Variants in SEMA6C observed in about 807,000 individuals in gnomAD.
SEMA6C encodes semaphorin 6C, also known as semaphorin-6C.
In SEMA6C, 37 loss-of-function variants were observed where a neutral mutation model predicts 72.9. The ratio of observed to expected loss-of-function variants is 0.51; its 90% confidence interval spans 0.39 to 0.67. The LOEUF (loss-of-function observed/expected upper bound fraction) is 0.67. Ranked by LOEUF, SEMA6C falls within the 30% of genes least tolerant of loss-of-function variation. The pLI is 0.00. For synonymous variants in SEMA6C, 578 were observed against 554.1 expected (o/e 1.04, Z -0.61); for missense variants, 1,189 against 1,263.6 (o/e 0.94, Z 0.89).
Position 151,132,804 on chromosome 1 carries a change from CGGG to C in SEMA6C, c.2470_2472del (p.Pro824del). 1 of 1,333,390 alleles carries C rather than the reference CGGG, an allele frequency of 7.5e-7. No homozygotes were observed. The highest frequency in any genetic ancestry group is 9.6e-7 in the Non-Finnish European group (1 of 1,040,828). The allele number at this position is 1,333,390 out of a possible 1,614,324, so 82.6% of individuals were successfully genotyped here. ...GCGGGGGCAGAGGCGCACCTGCCCTCGGGGGGCACGTCCAGCCTCAGCGGCGAG... is the reference window on the plus strand; with the variant it reads ...GCGGGGGCAGAGGCGCACCTGCCCTCGGGCACGTCCAGCCTCAGCGGCGAG... On this transcript the variant is annotated inframe_deletion, in exon 19 of 19. Coordinates refer to ENST00000368914, the MANE Select transcript of SEMA6C (RefSeq NM_030913.6).
Position 151,135,208 on chromosome 1 carries a change from A to G in SEMA6C, c.1535T>C (p.Val512Ala), listed in dbSNP as rs1681918997. ...RLFVAFSGCIVYLPLSRCARH... is the reference protein window; with the variant it reads ...RLFVAFSGCIAYLPLSRCARH... ...GGCACACCGGCTGAGAGGGAGGTAG[A>G]CAATACAGCCAGAAAAAGCCACAAA... Residue 512 changes from valine to alanine, a missense_variant, in exon 15 of 19, where the codon GTC (valine) becomes GCC (alanine). By Grantham distance (64) the Val-to-Ala change is moderately conservative. Transcript: ENST00000368914. 2.5e-6 allele frequency: 4 copies of G among 1,614,020 alleles called. No individual in the cohort carries two copies. In the African/African-American group the frequency reaches 5.3e-5, roughly 22 times the overall value.
rs201596171 is a variant in SEMA6C at position 151,138,112 on chromosome 1, G to A, written c.548-7C>T. On this transcript the variant is annotated splice_region_variant and splice_polypyrimidine_tract_variant and intron_variant, in intron 8 of 18. Transcript: ENST00000368914. ...GCTGAGTACAGGCTGCCCTCTGGAG[G>A]GATGGGTGGAGTGGGGTCAGGGGAG... is the stretch of plus-strand genomic sequence containing the variant. 4.3e-6 allele frequency: 7 copies of A among 1,613,644 alleles called. No individual in the cohort carries two copies. Among genetic ancestry groups the A allele is most frequent in the South Asian group, 1.1e-5 (1 of 91,044 alleles).
chr1:151,133,565 CG>C lies in SEMA6C; in HGVS notation c.1760-49del, dbSNP rs1382214365. On this transcript the variant is annotated intron_variant, in intron 18 of 18. Transcript: ENST00000368914. The surrounding 1 kb of genome is among the most constrained non-coding windows in gnomAD (Gnocchi z 5.9). Reference sequence around the variant, plus strand: ...GAGGCTCAGCCAAGGGGAGGCGGTGCGGGGTACCTAGGCCCAGAGGCGCCGG... The same window carrying C: ...GAGGCTCAGCCAAGGGGAGGCGGTGCGGGTACCTAGGCCCAGAGGCGCCGG... 1.4e-6 allele frequency: 2 copies of C among 1,454,494 alleles called. No individual in the cohort carries two copies. Among genetic ancestry groups the C allele is most frequent in the Non-Finnish European group, 1.8e-6 (2 of 1,107,690 alleles). 90.1% of individuals were successfully genotyped at this position (1,454,494 alleles called of 1,614,324 possible). A position where few individuals can be genotyped will look rare whatever the true frequency, so the allele number is the denominator to read the frequency against.
chr1:151,132,663 G>A lies in SEMA6C; in HGVS notation c.2614C>T (p.Pro872Ser), dbSNP rs1415640546. ...ALLTRVPSGG[P>S]SRYSGGPGKH... ...CCGGGACCCCCGGAGTACCTGGAGG[G>A]ACCTCCCGAGGGGACTCGAGTGAGC... The change falls in exon 19 of 19, where the codon CCC (proline) becomes TCC (serine). Residue 872 changes from proline to serine, a missense_variant. Around this residue, in one of 2 missense-constraint regions of SEMA6C, gnomAD observed 721 missense variants for 686.2 expected, o/e 1.05. Transcript: ENST00000368914. The A allele has an allele frequency of 6.5e-7, 1 of 1,549,590 alleles. No individual in the cohort carries two copies. The highest frequency in any genetic ancestry group is 8.7e-7 in the Non-Finnish European group (1 of 1,146,480).
At position 151,132,646 on chromosome 1, in the gene SEMA6C, C is replaced by T. The variant is rs1175245918; in HGVS notation, c.2631G>A (p.Gly877=). ...VPSGGPSRYS[G]GPGKHLLYLG... is the part of the protein sequence containing the mutation. ...GGTACAGGAGGTGCTTCCCGGGACC[C>T]CCGGAGTACCTGGAGGGACCTCCCG... The change falls in exon 19 of 19, where the codon GGG becomes GGA. Residue 877 remains glycine, a synonymous_variant. Coordinates refer to ENST00000368914, the MANE Select transcript of SEMA6C (RefSeq NM_030913.6). 1.9e-6 allele frequency: 3 copies of T among 1,550,126 alleles called. No homozygotes were observed. Among genetic ancestry groups the T allele is most frequent in the African/African-American group, 2.7e-5 (2 of 73,016 alleles).
intron 10 of SEMA6C, 48 bp downstream of exon 10, chr1:151,137,663 G>C: frequency 6.7e-7 from 1 of 1,496,882 alleles, no homozygotes; most frequent in Non-Finnish European, 9.2e-7. Context: ...GGCTCCTCAG[G>C]ATCCAGCAGA....
In SEMA6C at chr1:151,132,517, C is replaced by T; in HGVS notation, c.2760G>A (p.Gln920=). 1 of 1,550,154 alleles carries T rather than the reference C, an allele frequency of 6.5e-7. No homozygotes were observed. Among genetic ancestry groups the T allele is most frequent in the Non-Finnish European group, 8.7e-7 (1 of 1,146,704 alleles). Residue 920 remains glutamine, a synonymous_variant, in exon 19 of 19, where the codon CAG becomes CAA. Transcript: ENST00000368914. ...KPPLVGPSSR[Q]AVPNGGRFNF ...TGAAACGGCCGCCGTTCGGGACGGC[C>T]TGGCGGGAGGAGGGCCCGACGAGGG...
intron 3 of SEMA6C, 57 bp from the exon 4 acceptor site, chr1:151,140,147 C>T (rs1270307936): frequency 1.4e-6 from 2 of 1,440,320 alleles, no homozygotes; most frequent in Admixed American, 3.7e-5. Context: ...CCAACACCCT[C>T]TCCAACCAGA....
intron 4 of SEMA6C, 103 bp from the exon 5 acceptor site, chr1:151,139,804 C>T (rs1415672255): frequency 1.5e-6 from 2 of 1,294,886 alleles, no homozygotes; most frequent in African/African-American, 1.5e-5. Flanking sequence ...TGGCCCTCCC[C>T]TTCCCCCTTC....
rs1478257356 is a variant in SEMA6C at position 151,133,645 on chromosome 1, T to C, written c.1760-128A>G. On this transcript the variant is annotated intron_variant, in intron 18 of 18. Transcript: ENST00000368914. This position sits in a 1 kb window ranked among gnomAD's most constrained non-coding sequence, Gnocchi z 5.9. ...TCCCGCTGCTACTCAGCCTCACTCC[T>C]ACAGCCTCCACCATCCTCAGGATTC... 1.4e-6 allele frequency: 2 copies of C among 1,391,964 alleles called. No individual in the cohort carries two copies. The allele number at this position is 1,391,964 out of a possible 1,614,324, so 86.2% of individuals were successfully genotyped here. A position where few individuals can be genotyped will look rare whatever the true frequency, so the allele number is the denominator to read the frequency against.
intron 3 of SEMA6C, 106 bp from the exon 4 acceptor site, chr1:151,140,196 G>C: frequency 2.3e-6 from 2 of 868,476 alleles, no homozygotes; most frequent in Non-Finnish European, 3.8e-6. Context: ...TGTGAGGTTA[G>C]AGTGCCCAAA....
At chr1:151,139,380 A>G in intron 6 of SEMA6C, 45 bp downstream of exon 6, 2 of 1,522,908 alleles carry the variant, frequency 1.3e-6, no homozygotes, top group Non-Finnish European at 1.8e-6. Context: ...GACTGGGGGC[A>G]GAGTAATCCT....
intron 3 of SEMA6C, among the ~76,000 whole-genome samples, chr1:151,141,714 C>CT (rs373907379): frequency 3.1e-4 from 24 of 76,496 alleles, no homozygotes; most frequent in Admixed American, 1.3e-3. Context: ...GCCCAGCTGA[C>CT]TTTTTTTTTT....
rs587661717 is a variant in SEMA6C, at chr1:151,143,091, A to C, written c.-54-416T>G. Among the ~76,000 whole-genome samples, 4 of 152,262 alleles carry C rather than the reference A, an allele frequency of 2.6e-5. No homozygotes were observed. The East Asian group carries it at 7.7e-4, about 29-fold the overall frequency. On this transcript the variant is annotated intron_variant, in intron 2 of 18. Transcript: ENST00000368914. ...GCACTGGGAGGAGGAAAAGGGCACCATGTCTGACTCCCCCTCCCTCCCAGA... is the reference window on the plus strand; with the variant it reads ...GCACTGGGAGGAGGAAAAGGGCACCCTGTCTGACTCCCCCTCCCTCCCAGA...
At position 151,137,767 on chromosome 1, in the gene SEMA6C, C is replaced by T. The variant is rs1215288731; in HGVS notation, c.700G>A (p.Asp234Asn). 24 of 1,613,692 alleles carry T rather than the reference C, an allele frequency of 1.5e-5. No homozygotes were observed. Among genetic ancestry groups the T allele is most frequent in the Non-Finnish European group, 2.0e-5 (24 of 1,179,784 alleles). Residue 234 changes from aspartate to asparagine, a missense_variant, in exon 10 of 19, where the codon GAC (aspartate) becomes AAC (asparagine). Asp to Asn is a conservative substitution (Grantham distance 23). Around this residue, in one of 2 missense-constraint regions of SEMA6C, gnomAD observed 468 missense variants for 577.4 expected, o/e 0.81. Coordinates refer to ENST00000368914, the MANE Select transcript of SEMA6C (RefSeq NM_030913.6). ...PHFVQALEHG[D>N]HVYFFFREVS... Reference sequence around the variant, plus strand: ...TCGCGGAAGAAGAAGTAGACATGGTCTCCATGCTCCAAGGCCTGGACAAAG... The same window carrying T: ...TCGCGGAAGAAGAAGTAGACATGGTTTCCATGCTCCAAGGCCTGGACAAAG...
chr1:151,133,815 C>T lies in SEMA6C; in HGVS notation c.1760-298G>A. On this transcript the variant is annotated intron_variant, in intron 18 of 18. Coordinates refer to ENST00000368914, the MANE Select transcript of SEMA6C (RefSeq NM_030913.6). The surrounding 1 kb of genome is among the most constrained non-coding windows in gnomAD (Gnocchi z 5.9). Reference sequence around the variant, plus strand: ...CAAAAACTGCTCGTGCAGGAGAACTCGGGGCTGGGATGCCCAATTCTGGGG... The same window carrying T: ...CAAAAACTGCTCGTGCAGGAGAACTTGGGGCTGGGATGCCCAATTCTGGGG... 1.1e-6 allele frequency: 1 copy of T among 879,496 alleles called. No individual in the cohort carries two copies. The highest frequency in any genetic ancestry group is 1.7e-6 in the Non-Finnish European group (1 of 575,460). The allele number at this position is 879,496 out of a possible 1,614,324, so 54.5% of individuals were successfully genotyped here. A position where few individuals can be genotyped will look rare whatever the true frequency, so the allele number is the denominator to read the frequency against.
chr1:151,133,469 A>C lies in SEMA6C; in HGVS notation c.1808T>G (p.Ile603Ser). The C allele has an allele frequency of 1.9e-6, 3 of 1,552,852 alleles. No homozygotes were observed. In the South Asian group the frequency reaches 3.5e-5, roughly 18 times the overall value. Reference sequence around the variant, plus strand: ...GGCCACACTGGCCAGGAGGAGTGGGATGGGGACGGAGCGGGAGGCCGAGGC... The same window carrying C: ...GGCCACACTGGCCAGGAGGAGTGGGCTGGGGACGGAGCGGGAGGCCGAGGC... ...PPASASRSVP[I>S]PLLLASVAAA... is the part of the protein sequence containing the mutation. The change falls in exon 19 of 19, where the codon ATC becomes AGC. Residue 603 changes from isoleucine (I) to serine (S), a missense_variant. This residue lies in a region of SEMA6C where 721 missense variants were observed against 686.2 expected (regional missense o/e 1.05). Transcript: ENST00000368914. This position sits in a 1 kb window ranked among gnomAD's most constrained non-coding sequence, Gnocchi z 5.9.
Position 151,137,757 on chromosome 1 carries a change from T to C in SEMA6C, c.710A>G (p.Tyr237Cys), listed in dbSNP as rs1682172683. 5.6e-6 allele frequency: 9 copies of C among 1,613,572 alleles called. No homozygotes were observed. The highest frequency in any genetic ancestry group is 2.2e-5 in the East Asian group (1 of 44,860). Reference sequence around the variant, plus strand: ...CACAGAGACCTCGCGGAAGAAGAAGTAGACATGGTCTCCATGCTCCAAGGC... The same window carrying C: ...CACAGAGACCTCGCGGAAGAAGAAGCAGACATGGTCTCCATGCTCCAAGGC... ...VQALEHGDHV[Y>C]FFFREVSVED... Residue 237 changes from tyrosine (Y) to cysteine (C), a missense_variant, in exon 10 of 19, where the codon TAC becomes TGC. Transcript: ENST00000368914.
At chr1:151,139,375 G>A (rs368059142) in intron 6 of SEMA6C, 50 bp downstream of exon 6, 296 of 1,499,848 alleles carry the variant, frequency 2.0e-4, no homozygotes, top group Non-Finnish European at 2.7e-4. Flanking sequence ...ACAGAGACTG[G>A]GGGCAGAGTA....
Sources: gnomAD v4.1 joint callset for allele counts (sites outside exome capture counted in the v4.1 genomes callset) on GRCh38, gnomAD v4.1.1 for gene constraint, gnomAD v4.1.1 regional missense constraint, Gnocchi (gnomAD v3.1) non-coding constraint, MANE v1.5 for transcripts, NCBI Gene and HGNC (gene_info 2026-07-23, HGNC 2026-07-21) for gene names.